Variants in KIAA1328 observed in about 807,000 individuals in gnomAD.
KIAA1328 encodes the protein KIAA1328.
Under a neutral mutation model 68.1 loss-of-function variants are expected in KIAA1328, and 52 were observed. The ratio of observed to expected loss-of-function variants is 0.76; its 90% CI spans 0.61 to 0.96. The LOEUF (loss-of-function observed/expected upper bound fraction) is 0.96. Ranked by LOEUF, KIAA1328 falls within the 40% of genes least tolerant of loss-of-function variation. The pLI is 0.00. For synonymous variants in KIAA1328, 232 were observed against 239.4 expected, an observed-to-expected ratio of 0.97 and a Z score of 0.28; for missense variants, 641 against 677.6, an observed-to-expected ratio of 0.95 and a Z score of 0.60.
At chr18:36,867,876 G>C (rs757462763) in intron 4 of KIAA1328, among the ~76,000 whole-genome samples, 1 of 152,136 alleles carries the variant, frequency 6.6e-6, no homozygotes, top group Non-Finnish European at 1.5e-5. Context: ...AAACAAATTA[G>C]AAATTTATGT....
chr18:36,879,574 CCT>C (rs2048261286), intron 4 of KIAA1328, among the ~76,000 whole-genome samples: 1 of 152,202 alleles, frequency 6.6e-6, no homozygotes, highest in South Asian at 2.1e-4. Context: ...GAGATCTGCT[CCT>C]CTCTTCAGAG....
chr18:36,921,415 T>A (rs1400034865), intron 5 of KIAA1328, among the ~76,000 whole-genome samples: 2 of 152,182 alleles, frequency 1.3e-5, no homozygotes, highest in Non-Finnish European at 2.9e-5. Flanking sequence ...TTTGTTTGTT[T>A]GTTTTTGAGA....
rs189513348 is a variant in KIAA1328, at chr18:37,224,745, G to A, written c.*2518G>A. The A allele has an allele frequency of 1.6e-3, 1,584 of 985,370 alleles. 4 individuals are homozygous for A. The highest frequency in any genetic ancestry group is 1.7e-3 in the Non-Finnish European group (1,416 of 829,946). The allele number at this position is 985,370 out of a possible 1,614,324, so 61.0% of individuals were successfully genotyped here. On this transcript the variant is annotated 3_prime_UTR_variant, in exon 10 of 10. Coordinates refer to ENST00000280020, the MANE Select transcript of KIAA1328 (RefSeq NM_020776.3). The stretch of plus-strand genomic sequence containing the variant: ...ACCCTTGACTGGTTGGGATTTGCTC[G>A]TCCAGCCTCTAGACACTTCCCAAAG...
intron 5 of KIAA1328, chr18:36,886,120 A>G (rs1432768873): frequency 2.5e-5 from 4 of 158,086 alleles, no homozygotes; most frequent in African/African-American, 9.6e-5. Context: ...CTAGGCAATC[A>G]GAACGTCACT....
chr18:37,115,364 A>G (rs1242798852), intron 7 of KIAA1328, among the ~76,000 whole-genome samples: 1 of 152,184 alleles, frequency 6.6e-6, no homozygotes, highest in Non-Finnish European at 1.5e-5. Context: ...TTGAACATAC[A>G]CAAATCAATA....
At chr18:36,936,596 G>A (rs1359367175) in intron 5 of KIAA1328, among the ~76,000 whole-genome samples, 3 of 152,160 alleles carry the variant, frequency 2.0e-5, no homozygotes, top group African/African-American at 2.4e-5. Flanking sequence ...TGTCTTTATA[G>A]TAGAATGATT....
At chr18:36,978,299 C>T (rs918952233) in intron 6 of KIAA1328, among the ~76,000 whole-genome samples, 1 of 152,136 alleles carries the variant, frequency 6.6e-6, no homozygotes, top group Non-Finnish European at 1.5e-5. Context: ...CACATAGGCA[C>T]CCTCTACTGT....
chr18:37,136,695 T>C (rs1427995150), intron 7 of KIAA1328, among the ~76,000 whole-genome samples: 1 of 152,248 alleles, frequency 6.6e-6, no homozygotes, highest in African/African-American at 2.4e-5. Flanking sequence ...GTGGACAATC[T>C]TCGTACTTTG....
At chr18:36,885,073 G>A (rs1002508581) in intron 4 of KIAA1328, among the ~76,000 whole-genome samples, 8 of 151,536 alleles carry the variant, frequency 5.3e-5, no homozygotes, top group African/African-American at 1.9e-4. Flanking sequence ...AAGAATGCTG[G>A]GTATTGGTAC....
chr18:37,129,616 C>T (rs942390550), intron 7 of KIAA1328, among the ~76,000 whole-genome samples: 2 of 152,036 alleles, frequency 1.3e-5, no homozygotes, highest in Non-Finnish European at 2.9e-5. Context: ...TTCTTTCTTC[C>T]GGTGGAAGAG....
At chr18:36,928,500 A>G (rs1598738190) in intron 5 of KIAA1328, among the ~76,000 whole-genome samples, 1 of 152,328 alleles carries the variant, frequency 6.6e-6, no homozygotes, top group South Asian at 2.1e-4. Context: ...TAAGTACAAT[A>G]TCTGTTGTTG....
At chr18:36,904,543 C>G (rs911339643) in intron 5 of KIAA1328, among the ~76,000 whole-genome samples, 11 of 152,210 alleles carry the variant, frequency 7.2e-5, no homozygotes, top group African/African-American at 2.2e-4. Flanking sequence ...TTGACCTACT[C>G]TAGCTTCTGA....
intron 4 of KIAA1328, among the ~76,000 whole-genome samples, chr18:36,853,809 C>T (rs1363128394): frequency 6.6e-6 from 1 of 152,150 alleles, no homozygotes; most frequent in Non-Finnish European, 1.5e-5. Context: ...GTGCCCGCCA[C>T]CAAGCCCAGC....
chr18:37,175,101 AG>A (rs2154214333), intron 9 of KIAA1328, among the ~76,000 whole-genome samples: 1 of 152,324 alleles, frequency 6.6e-6, no homozygotes, highest in South Asian at 2.1e-4. Flanking sequence ...TTGTGCTCAG[AG>A]GGTTTCCATC....
intron 9 of KIAA1328, among the ~76,000 whole-genome samples, chr18:37,185,165 CAAA>C (rs879479961): frequency 8.3e-6 from 1 of 119,968 alleles, no homozygotes. Context: ...GACTCCATCT[CAAA>C]AAAAAAAAAA....
chr18:36,970,021 C>T (rs1025155415), intron 6 of KIAA1328, among the ~76,000 whole-genome samples: 10 of 152,170 alleles, frequency 6.6e-5, no homozygotes, highest in African/African-American at 2.4e-4. Flanking sequence ...AAATTTCAGG[C>T]CAATATCCCC....
At chr18:37,076,383 A>G (rs149059723) in intron 7 of KIAA1328, among the ~76,000 whole-genome samples, 9,938 of 152,002 alleles carry the variant, frequency 0.065, 1,099 homozygotes, top group African/African-American at 0.23. Context: ...AGAAAACAGG[A>G]AAGATCCAAA....
At chr18:37,105,916 C>CAAAAAAAAAAAAAAAAAAAAAA (rs58940699) in intron 7 of KIAA1328, among the ~76,000 whole-genome samples, 6 of 19,504 alleles carry the variant, frequency 3.1e-4, no homozygotes, top group African/African-American at 5.8e-4. Flanking sequence ...GACTCTGTGT[C>CAAAAAAAAAAAAAAAAAAAAAA]AAAAAAAAAA....
intron 3 of KIAA1328, among the ~76,000 whole-genome samples, chr18:36,840,601 A>T (rs977205752): frequency 1.1e-4 from 16 of 151,926 alleles, no homozygotes; most frequent in Non-Finnish European, 2.2e-4. Flanking sequence ...GATTACAGGA[A>T]CGCACTACCA....
Sources: gnomAD v4.1 joint callset for allele counts (sites outside exome capture counted in the v4.1 genomes callset) on GRCh38, gnomAD v4.1.1 for gene constraint, MANE v1.5 for transcripts, NCBI Gene and HGNC (gene_info 2026-07-23, HGNC 2026-07-21) for gene names.